Variants in BLTP1 observed in about 807,000 individuals in gnomAD.
The protein encoded by BLTP1 is bridge-like lipid transfer protein family member 1.
chr4:122,262,001 G>A, the BLTP1 span: 10 of 985,204 alleles, frequency 1.0e-5, no homozygotes, highest in African/African-American at 1.2e-4. Flanking sequence ...TTAGCAAAAA[G>A]CCTCTAGTTT....
the BLTP1 span, chr4:122,197,193 T>G: frequency 8.8e-7 from 1 of 1,140,754 alleles, no homozygotes; most frequent in Non-Finnish European, 1.2e-6. Flanking sequence ...TTTCTTTTGG[T>G]AGGAAACAAA....
chr4:122,152,854 G>A, the BLTP1 span: 4 of 400,952 alleles, frequency 1.0e-5, no homozygotes, highest in Non-Finnish European at 6.8e-6. Context: ...TGATGGTAAG[G>A]CGCTCCACTT....
chr4:122,298,639 T>TTACTTCCGTTTGGAACATTA, the BLTP1 span: 42 of 472,880 alleles, frequency 8.9e-5, no homozygotes, highest in Middle Eastern at 1.1e-3. Flanking sequence ...AAAATTTTAC[T>TTACTTCCGTTTGGAACATTA]TACTTCTGTT....
At chr4:122,210,943 G>T in the BLTP1 span, 1 of 1,613,430 alleles carries the variant, frequency 6.2e-7, no homozygotes, top group Non-Finnish European at 8.5e-7. Flanking sequence ...GAAGACATCA[G>T]ACAGAGTTGT....
At chr4:122,302,246 G>A in the BLTP1 span, 10 of 981,380 alleles carry the variant, frequency 1.0e-5, no homozygotes, top group Admixed American at 1.2e-4. Context: ...CTACTAACAC[G>A]AGAAATTAAC....
At chr4:122,339,506 G>A in the BLTP1 span, 1 of 796,974 alleles carries the variant, frequency 1.3e-6, no homozygotes, top group Non-Finnish European at 1.8e-6. Flanking sequence ...AAATATATTT[G>A]GAAAAGGGGA....
At chr4:122,235,316 G>A in the BLTP1 span, 1 of 979,516 alleles carries the variant, frequency 1.0e-6, no homozygotes, top group African/African-American at 1.8e-5. Context: ...TTTTCCTGTA[G>A]CACAGCATCC....
the BLTP1 span, among the ~76,000 whole-genome samples, chr4:122,290,153 G>C: frequency 6.6e-6 from 1 of 152,174 alleles, no homozygotes; most frequent in Non-Finnish European, 1.5e-5. Flanking sequence ...GGTTCTGGTT[G>C]TATCTGAGGT....
At chr4:122,205,932 A>G in the BLTP1 span, 1 of 984,456 alleles carries the variant, frequency 1.0e-6, no homozygotes, top group Non-Finnish European at 1.2e-6. Flanking sequence ...TGTACAATGC[A>G]TGTAAAACAT....
At chr4:122,340,427 TAG>T in the BLTP1 span, among the ~76,000 whole-genome samples, 3 of 152,178 alleles carry the variant, frequency 2.0e-5, no homozygotes, top group Non-Finnish European at 2.9e-5. Flanking sequence ...GTCCTATTTT[TAG>T]AGAGTCATCT....
At chr4:122,249,627 A>C in the BLTP1 span, 2 of 1,613,798 alleles carry the variant, frequency 1.2e-6, no homozygotes, top group Non-Finnish European at 1.7e-6. Context: ...GTCCCAGCCA[A>C]GAAAAATGGG....
the BLTP1 span, chr4:122,173,073 ATAT>A: frequency 6.2e-7 from 1 of 1,612,616 alleles, no homozygotes; most frequent in Non-Finnish European, 8.5e-7. Context: ...TTTACCTCAC[ATAT>A]TATAATTCCC....
the BLTP1 span, chr4:122,347,688 C>T: frequency 1.2e-6 from 2 of 1,613,740 alleles, no homozygotes; most frequent in African/African-American, 1.3e-5. Flanking sequence ...TGACAAACAG[C>T]ACCATGTCAC....
the BLTP1 span, among the ~76,000 whole-genome samples, chr4:122,309,000 G>A: frequency 2.6e-5 from 4 of 152,032 alleles, no homozygotes; most frequent in African/African-American, 9.7e-5. Flanking sequence ...GTGGCATAGT[G>A]AGATCATCTC....
At chr4:122,238,033 T>G in the BLTP1 span, 3 of 1,543,984 alleles carry the variant, frequency 1.9e-6, no homozygotes, top group Non-Finnish European at 1.7e-6. Context: ...ATTGCCATGT[T>G]TTTTATAAAC....
the BLTP1 span, among the ~76,000 whole-genome samples, chr4:122,303,113 C>A: frequency 6.6e-6 from 1 of 152,176 alleles, no homozygotes; most frequent in Non-Finnish European, 1.5e-5. Flanking sequence ...CTTCAAAGGA[C>A]AGGCTGACTC....
At chr4:122,312,819 A>G in the BLTP1 span, 2 of 797,954 alleles carry the variant, frequency 2.5e-6, no homozygotes, top group Non-Finnish European at 3.0e-6. Context: ...TTTAAGTAAC[A>G]TTTGAATACC....
chr4:122,355,834 G>T, the BLTP1 span: 1 of 1,607,946 alleles, frequency 6.2e-7, no homozygotes, highest in South Asian at 1.1e-5. Flanking sequence ...TAACAACACT[G>T]AGAATAGCAC....
chr4:122,170,536 C>T, the BLTP1 span: 2 of 1,378,036 alleles, frequency 1.5e-6, no homozygotes, highest in South Asian at 1.6e-5. Context: ...TTATTAAATT[C>T]ACCCTTTTTT....
Sources: allele counts gnomAD v4.1 joint callset (sites outside exome capture counted in the v4.1 genomes callset), GRCh38; gene constraint gnomAD v4.1.1; transcripts MANE v1.5; gene names NCBI Gene and HGNC (gene_info 2026-07-23, HGNC 2026-07-21).